Variants in LIMS1 observed in about 807,000 individuals in gnomAD.
LIMS1 encodes LIM and senescent cell antigen-like-containing domain protein 1.
A neutral mutation model predicts 44.1 loss-of-function variants in LIMS1; 18 were observed. That is an observed-to-expected ratio of 0.41 (90% CI 0.28 to 0.61). The LOEUF (loss-of-function observed/expected upper bound fraction) is 0.61, where lower values mean the gene tolerates loss of function less well. Among genes scored for constraint, LIMS1 ranks in the 20% least tolerant of loss-of-function variants. The pLI, the probability that LIMS1 is intolerant of heterozygous loss-of-function variation, is 0.32. For synonymous variants in LIMS1, 93 were observed against 149.1 expected (o/e 0.62, Z 2.74); for missense variants, 201 against 422.0 (o/e 0.48, Z 4.59).
At chr2:108,592,910 A>C (rs139329111) in intron 1 of LIMS1, among the ~76,000 whole-genome samples, 2 of 152,156 alleles carry the variant, frequency 1.3e-5, no homozygotes, top group African/African-American at 2.4e-5. Flanking sequence ...TTAATAGTAA[A>C]ATGTATATAA....
intron 1 of LIMS1, among the ~76,000 whole-genome samples, chr2:108,604,576 G>A (rs1687170465): frequency 6.6e-6 from 1 of 152,138 alleles, no homozygotes; most frequent in Admixed American, 6.5e-5. Context: ...AGAAATGACT[G>A]GATATTAACA....
chr2:108,621,651 C>T (rs1688247651), intron 1 of LIMS1, among the ~76,000 whole-genome samples: 1 of 152,178 alleles, frequency 6.6e-6, no homozygotes, highest in Non-Finnish European at 1.5e-5. Flanking sequence ...AATACTTTTG[C>T]CCATTTCTTC....
At chr2:108,543,139 T>C (rs1459905621) in intron 1 of LIMS1, among the ~76,000 whole-genome samples, 7 of 152,214 alleles carry the variant, frequency 4.6e-5, no homozygotes, top group Admixed American at 4.6e-4. Flanking sequence ...AAAAAGTCTT[T>C]TAGAAATTTC....
At chr2:108,551,801 T>C (rs887549320) in intron 1 of LIMS1, among the ~76,000 whole-genome samples, 1 of 146,340 alleles carries the variant, frequency 6.8e-6, no homozygotes, top group Non-Finnish European at 1.5e-5. Context: ...TATATCTGTA[T>C]ATATGTATAT....
chr2:108,680,596 A>G, intron 8 of LIMS1, 99 bp from the exon 9 acceptor site: 2 of 1,589,300 alleles, frequency 1.3e-6, no homozygotes, highest in Non-Finnish European at 1.7e-6. Context: ...AGTGCCACAG[A>G]CACAGTCGTA....
At chr2:108,649,702 C>G (rs1690326945) in intron 1 of LIMS1, among the ~76,000 whole-genome samples, 1 of 152,198 alleles carries the variant, frequency 6.6e-6, no homozygotes, top group African/African-American at 2.4e-5. Flanking sequence ...AACCATCATT[C>G]TCAGCAAACT....
At chr2:108,542,392 A>G (rs541899821) in intron 1 of LIMS1, among the ~76,000 whole-genome samples, 2 of 152,286 alleles carry the variant, frequency 1.3e-5, no homozygotes, top group South Asian at 4.1e-4. Context: ...TCACAGCCAC[A>G]CCACGAAGTA....
chr2:108,555,373 C>T (rs1684892961), intron 1 of LIMS1, among the ~76,000 whole-genome samples: 1 of 152,160 alleles, frequency 6.6e-6, no homozygotes, highest in Admixed American at 6.5e-5. Context: ...AAGGAACCTG[C>T]ATTTTTGGTT....
intron 1 of LIMS1, among the ~76,000 whole-genome samples, chr2:108,612,323 G>A (rs980804284): frequency 2.0e-5 from 3 of 152,156 alleles, no homozygotes; most frequent in South Asian, 2.1e-4. Flanking sequence ...AACCGAAATC[G>A]GTGTGGTCAC....
intron 1 of LIMS1, among the ~76,000 whole-genome samples, chr2:108,603,493 G>A (rs548322591): frequency 2.2e-3 from 200 of 91,164 alleles, no homozygotes; most frequent in Non-Finnish European, 4.1e-3. Context: ...CCTTTTCATC[G>A]CCTTTTTTTT....
chr2:108,625,581 C>A (rs543668868), intron 1 of LIMS1, among the ~76,000 whole-genome samples: 52 of 151,596 alleles, frequency 3.4e-4, no homozygotes, highest in Non-Finnish European at 7.1e-4. Flanking sequence ...TATGAATCCC[C>A]CCCCCCAAAA....
chr2:108,681,698 A>AT (rs1693007989), intron 9 of LIMS1: 3 of 551,932 alleles, frequency 5.4e-6, no homozygotes, highest in Non-Finnish European at 6.9e-6. Flanking sequence ...GAGTGGAAGG[A>AT]TTGCCTGAGC....
chr2:108,610,165 TG>T (rs1687520307), intron 1 of LIMS1, among the ~76,000 whole-genome samples: 1 of 81,358 alleles, frequency 1.2e-5, no homozygotes, highest in Admixed American at 2.0e-4. Context: ...TGTGTGTGTG[TG>T]TGTGTGTGTG....
chr2:108,569,146 C>T lies in LIMS1; in HGVS notation c.32+34552C>T, dbSNP rs572425121. On this transcript the variant is annotated intron_variant, in intron 1 of 9. Transcript: ENST00000544547. ...GACCTCATGATCTGCCTACCTCATC[C>T]TCCCAAAGTGCTGGGATTACAGGCG... 2.6e-5 allele frequency among the ~76,000 whole-genome samples: 4 copies of T among 152,312 alleles called. No homozygotes were observed. In the East Asian group the frequency reaches 5.8e-4, roughly 22 times the overall value.
At chr2:108,573,614 T>A (rs1384632727) in intron 1 of LIMS1, among the ~76,000 whole-genome samples, 2 of 152,342 alleles carry the variant, frequency 1.3e-5, no homozygotes, top group East Asian at 3.9e-4. Context: ...AGACCAGGTG[T>A]ATGCTTGGCT....
chr2:108,586,037 A>G (rs2104668023), intron 1 of LIMS1, among the ~76,000 whole-genome samples: 1 of 152,128 alleles, frequency 6.6e-6, no homozygotes, highest in African/African-American at 2.4e-5. Flanking sequence ...CTAAAAATAC[A>G]AAAAATTAGC....
intron 9 of LIMS1, among the ~76,000 whole-genome samples, chr2:108,682,946 C>T (rs1693100241): frequency 6.6e-6 from 1 of 152,186 alleles, no homozygotes; most frequent in Non-Finnish European, 1.5e-5. Flanking sequence ...CAGTAATAAG[C>T]TCCTGTAATT....
At chr2:108,641,626 C>T (rs1689671697) in intron 1 of LIMS1, among the ~76,000 whole-genome samples, 2 of 152,182 alleles carry the variant, frequency 1.3e-5, no homozygotes, top group African/African-American at 4.8e-5. Flanking sequence ...AATGCTAATA[C>T]AAACATGTAA....
intron 1 of LIMS1, among the ~76,000 whole-genome samples, chr2:108,543,870 C>G (rs1031341962): frequency 9.9e-5 from 15 of 152,082 alleles, no homozygotes; most frequent in Non-Finnish European, 2.1e-4. Context: ...ATCTGCATCT[C>G]GTTATTGGGC....
Sources: gnomAD v4.1 joint callset for allele counts (sites outside exome capture counted in the v4.1 genomes callset) on GRCh38, gnomAD v4.1.1 for gene constraint, MANE v1.5 for transcripts, NCBI Gene and HGNC (gene_info 2026-07-23, HGNC 2026-07-21) for gene names.